ST18: variants seen among roughly 807,000 people sequenced by gnomAD.
ST18 encodes suppression of tumorigenicity 18 protein.
A neutral mutation model predicts 110.0 loss-of-function variants in ST18; 50 were observed. The ratio of observed to expected loss-of-function variants is 0.45; its 90% CI spans 0.36 to 0.58. The LOEUF (loss-of-function observed/expected upper bound fraction) is 0.58. ST18 is among the 20% of genes least tolerant of loss of function. The probability of loss-of-function intolerance (pLI) is 0.00; values close to 1 mark genes in which losing one functional copy is unlikely to be tolerated. For synonymous variants in ST18, 461 were observed against 452.4 expected, an observed-to-expected ratio of 1.02 and a Z score of -0.24; for missense variants, 1,306 against 1,280.1, an observed-to-expected ratio of 1.02 and a Z score of -0.31.
intron 2 of ST18, among the ~76,000 whole-genome samples, chr8:52,388,890 C>A (rs891917818): frequency 6.7e-6 from 1 of 149,244 alleles, no homozygotes; most frequent in Non-Finnish European, 1.5e-5. Flanking sequence ...GGGTGCAGCA[C>A]ACCAGCATGG....
intron 2 of ST18, among the ~76,000 whole-genome samples, chr8:52,288,471 C>T (rs181946602): frequency 3.9e-5 from 6 of 152,022 alleles, no homozygotes; most frequent in South Asian, 2.1e-4. Context: ...AGACAGAGGC[C>T]GGTGGATCAC....
rs1819408091 is a variant in ST18 at position 52,349,772 on chromosome 8, G to A, written c.-465+59556C>T. On this transcript the variant is annotated intron_variant, in intron 2 of 25. Transcript: ENST00000689386. The stretch of plus-strand genomic sequence containing the variant: ...AGATGGCACGCTCAAGCCGGGTAAT[G>A]TGAGGAGTGTTATATAAAGAGACTG... Among the ~76,000 whole-genome samples the A allele has an allele frequency of 2.0e-5, 3 of 152,288 alleles. No individual in the cohort carries two copies. In the South Asian group the frequency reaches 6.2e-4, roughly 32 times the overall value.
At chr8:52,259,593 T>C (rs557336055) in intron 2 of ST18, among the ~76,000 whole-genome samples, 1 of 152,340 alleles carries the variant, frequency 6.6e-6, no homozygotes, top group African/African-American at 2.4e-5. Context: ...ATGATGATGA[T>C]GATAACGATT....
chr8:52,339,367 A>AGGACATTC (rs1813755627), intron 2 of ST18, among the ~76,000 whole-genome samples: 1 of 152,234 alleles, frequency 6.6e-6, no homozygotes, highest in South Asian at 2.1e-4. Flanking sequence ...TCAAGGGCTC[A>AGGACATTC]GGACATTCGG....
chr8:52,384,786 G>GGTGT (rs60638852), intron 2 of ST18, among the ~76,000 whole-genome samples: 14,554 of 147,352 alleles, frequency 0.099, 826 homozygotes, highest in African/African-American at 0.14. Flanking sequence ...TGTGTACACA[G>GGTGT]GTGTGTGTGT....
intron 2 of ST18, among the ~76,000 whole-genome samples, chr8:52,255,269 C>G (rs185561666): frequency 6.6e-6 from 1 of 152,282 alleles, no homozygotes; most frequent in East Asian, 1.9e-4. Context: ...GCTGCTCTCA[C>G]AGGGAATTTT....
chr8:52,304,712 A>G (rs1374740055), intron 2 of ST18, among the ~76,000 whole-genome samples: 1 of 152,164 alleles, frequency 6.6e-6, no homozygotes, highest in Non-Finnish European at 1.5e-5. Flanking sequence ...GACAACAGAA[A>G]TTTGTTTTTC....
intron 2 of ST18, among the ~76,000 whole-genome samples, chr8:52,387,354 T>G (rs1176712211): frequency 6.6e-6 from 1 of 152,184 alleles, no homozygotes; most frequent in Non-Finnish European, 1.5e-5. Flanking sequence ...GCAAAAGGAT[T>G]TCAAAAAGAG....
intron 2 of ST18, among the ~76,000 whole-genome samples, chr8:52,348,481 G>A (rs1466768096): frequency 6.6e-6 from 1 of 152,182 alleles, no homozygotes; most frequent in Non-Finnish European, 1.5e-5. Flanking sequence ...AGCTGGGTGC[G>A]GTGGCTCACG....
chr8:52,194,075 C>CT lies in ST18; in HGVS notation c.87-13764dup, dbSNP rs541555485. On this transcript the variant is annotated intron_variant, in intron 8 of 25. Coordinates refer to ENST00000689386, the MANE Select transcript of ST18 (RefSeq NM_001352837.2). ...CCCGTAAGGCCAAAGCTAATAAATG[C>CT]TTTTTTTTCTCATTTAGTTGGGACT... 5.0e-3 allele frequency among the ~76,000 whole-genome samples: 756 copies of CT among 151,986 alleles called. 5 individuals carry two copies. Among genetic ancestry groups the CT allele is most frequent in the Middle Eastern group, 0.024 (7 of 294 alleles).
At chr8:52,173,623 C>T (rs762669611) in intron 9 of ST18, among the ~76,000 whole-genome samples, 1 of 152,090 alleles carries the variant, frequency 6.6e-6, no homozygotes, top group Non-Finnish European at 1.5e-5. Flanking sequence ...AGCCCAGGCC[C>T]AGGCACGTGG....
intron 2 of ST18, among the ~76,000 whole-genome samples, chr8:52,389,768 A>G (rs964198173): frequency 6.6e-6 from 1 of 152,202 alleles, no homozygotes; most frequent in Non-Finnish European, 1.5e-5. Flanking sequence ...CCTGGGTCAC[A>G]GGAAGCTGCT....
intron 8 of ST18, among the ~76,000 whole-genome samples, chr8:52,183,772 G>C (rs528325184): frequency 6.6e-6 from 1 of 152,198 alleles, no homozygotes; most frequent in Admixed American, 6.5e-5. Flanking sequence ...TCCCTGGCAC[G>C]CTACAGAGAT....
At chr8:52,179,259 C>T (rs562536603) in intron 9 of ST18, among the ~76,000 whole-genome samples, 1 of 152,258 alleles carries the variant, frequency 6.6e-6, no homozygotes, top group South Asian at 2.1e-4. Context: ...CTCCTAGAGG[C>T]ATGTGACTAC....
chr8:52,175,850 C>G (rs1001212268), intron 9 of ST18, among the ~76,000 whole-genome samples: 1 of 152,150 alleles, frequency 6.6e-6, no homozygotes, highest in African/African-American at 2.4e-5. Context: ...CCCTCTGAAA[C>G]ATACTACTCC....
intron 2 of ST18, chr8:52,394,024 T>C (rs997611055): frequency 6.6e-6 from 1 of 152,088 alleles, no homozygotes; most frequent in African/African-American, 2.4e-5. Flanking sequence ...ACTGCCAAGA[T>C]CATCTAAGTG....
intron 2 of ST18, among the ~76,000 whole-genome samples, chr8:52,250,430 G>A (rs1336748938): frequency 1.0e-5 from 1 of 98,148 alleles, no homozygotes; most frequent in African/African-American, 4.0e-5. Flanking sequence ...TGACACTGTG[G>A]AAGAGCCTCA....
At chr8:52,321,182 A>T (rs1456470807) in intron 2 of ST18, among the ~76,000 whole-genome samples, 2 of 152,164 alleles carry the variant, frequency 1.3e-5, no homozygotes, top group African/African-American at 4.8e-5. Flanking sequence ...ACGGGAAGAG[A>T]CACTCCAATC....
intron 8 of ST18, among the ~76,000 whole-genome samples, chr8:52,190,019 C>T (rs373464780): frequency 5.1e-4 from 77 of 152,256 alleles, no homozygotes; most frequent in Non-Finnish European, 9.1e-4. Flanking sequence ...AACATTAGTA[C>T]AGGTTGGGTA....
Sources: gnomAD v4.1 joint callset for allele counts (sites outside exome capture counted in the v4.1 genomes callset) on GRCh38, gnomAD v4.1.1 for gene constraint, MANE v1.5 for transcripts, NCBI Gene and HGNC (gene_info 2026-07-23, HGNC 2026-07-21) for gene names.